Variants in ST6GALNAC5 observed in about 807,000 individuals in gnomAD.
The protein encoded by ST6GALNAC5 is ST6 N-acetylgalactosaminide alpha-2,6-sialyltransferase 5.
ST6GALNAC5 carries 27 observed loss-of-function variants against 33.6 expected under a neutral mutation model. That is an observed-to-expected ratio of 0.80 (90% confidence interval 0.59 to 1.11). ST6GALNAC5 has a LOEUF of 1.11. Ranked by LOEUF, ST6GALNAC5 falls within the 50% of genes least tolerant of loss-of-function variation. ST6GALNAC5 has a pLI of 0.00. For missense variants in ST6GALNAC5, 428 were observed against 454.0 expected, an observed-to-expected ratio of 0.94 and a Z score of 0.52; for synonymous variants, 194 against 171.2, an observed-to-expected ratio of 1.13 and a Z score of -1.04.
intron 3 of ST6GALNAC5, among the ~76,000 whole-genome samples, chr1:77,049,270 G>T (rs1434407264): frequency 6.6e-6 from 1 of 152,116 alleles, no homozygotes; most frequent in East Asian, 1.9e-4. Context: ...CTGCACCTCT[G>T]TTATTCACAT....
chr1:77,010,751 C>T (rs1188896891), intron 2 of ST6GALNAC5, among the ~76,000 whole-genome samples: 1 of 152,210 alleles, frequency 6.6e-6, no homozygotes, highest in African/African-American at 2.4e-5. Context: ...AAACACACTG[C>T]ACCACTCCTC....
chr1:77,044,275 C>T lies in ST6GALNAC5; in HGVS notation c.333C>T (p.Gly111=). Residue 111 remains glycine (G), a synonymous_variant, in exon 3 of 5, where the codon GGC becomes GGT. Transcript: ENST00000477717. ...SSGHLLHSRQ[G]SQIDQTECVI... ...GGCATCTGCTGCACAGTCGGCAAGGCTCCCAGATTGACCAGACAGAGTGTG... is the reference window on the plus strand; with the variant it reads ...GGCATCTGCTGCACAGTCGGCAAGGTTCCCAGATTGACCAGACAGAGTGTG... 1.2e-6 allele frequency: 2 copies of T among 1,613,980 alleles called. No homozygotes were observed. Among genetic ancestry groups the T allele is most frequent in the Non-Finnish European group, 1.7e-6 (2 of 1,180,018 alleles).
At chr1:77,053,203 A>G (rs1652286103) in intron 4 of ST6GALNAC5, among the ~76,000 whole-genome samples, 1 of 152,204 alleles carries the variant, frequency 6.6e-6, no homozygotes, top group Admixed American at 6.5e-5. Context: ...TGAAAGAAGC[A>G]GAGAACTATT....
At chr1:77,060,720 C>A (rs1652548301) in intron 4 of ST6GALNAC5, among the ~76,000 whole-genome samples, 1 of 152,030 alleles carries the variant, frequency 6.6e-6, no homozygotes, top group South Asian at 2.1e-4. Context: ...GATGGTCTTC[C>A]TGAATAAGGA....
chr1:76,941,463 C>T (rs1396905035), intron 2 of ST6GALNAC5, among the ~76,000 whole-genome samples: 1 of 152,048 alleles, frequency 6.6e-6, no homozygotes, highest in Non-Finnish European at 1.5e-5. Context: ...CAGTGGGTGG[C>T]TCCCCCAAAA....
intron 2 of ST6GALNAC5, among the ~76,000 whole-genome samples, chr1:76,904,438 G>T (rs904721385): frequency 9.9e-5 from 15 of 152,072 alleles, no homozygotes; most frequent in African/African-American, 3.6e-4. Flanking sequence ...ATAAATTGTG[G>T]TATATTCAAA....
chr1:76,922,764 A>C (rs1647047014), intron 2 of ST6GALNAC5, among the ~76,000 whole-genome samples: 1 of 151,778 alleles, frequency 6.6e-6, no homozygotes, highest in Non-Finnish European at 1.5e-5. Flanking sequence ...CATGGCAAAA[A>C]GTCTCTACTA....
At chr1:77,034,180 C>T (rs988529687) in intron 2 of ST6GALNAC5, among the ~76,000 whole-genome samples, 5 of 152,054 alleles carry the variant, frequency 3.3e-5, no homozygotes, top group African/African-American at 1.2e-4. Context: ...GCGCTTGTTC[C>T]CCCTGCAAGC....
At chr1:76,908,341 T>G (rs980516096) in intron 2 of ST6GALNAC5, among the ~76,000 whole-genome samples, 4 of 152,096 alleles carry the variant, frequency 2.6e-5, no homozygotes, top group African/African-American at 9.7e-5. Context: ...CCTCACATAG[T>G]GGAAGGGGCA....
At chr1:76,967,310 C>G (rs1039303095) in intron 2 of ST6GALNAC5, among the ~76,000 whole-genome samples, 2 of 152,116 alleles carry the variant, frequency 1.3e-5, no homozygotes, top group African/African-American at 4.8e-5. Flanking sequence ...TCAACTTCTT[C>G]CTGGTTTAGT....
intron 2 of ST6GALNAC5, among the ~76,000 whole-genome samples, chr1:76,887,109 G>A (rs1653914610): frequency 6.6e-6 from 1 of 152,096 alleles, no homozygotes; most frequent in Non-Finnish European, 1.5e-5. Flanking sequence ...TATCCATGGA[G>A]GCCGTGCTAC....
At chr1:76,943,189 A>G (rs1647396467) in intron 2 of ST6GALNAC5, among the ~76,000 whole-genome samples, 1 of 152,130 alleles carries the variant, frequency 6.6e-6, no homozygotes, top group Non-Finnish European at 1.5e-5. Flanking sequence ...AACCAGAGAT[A>G]GGTGCTATTA....
chr1:76,908,872 T>C (rs1464389239), intron 2 of ST6GALNAC5, among the ~76,000 whole-genome samples: 7 of 152,198 alleles, frequency 4.6e-5, no homozygotes, highest in Non-Finnish European at 1.0e-4. Flanking sequence ...ATCTAATCAG[T>C]GAATTTACAA....
At chr1:76,904,293 G>C (rs1037652828) in intron 2 of ST6GALNAC5, among the ~76,000 whole-genome samples, 1 of 152,120 alleles carries the variant, frequency 6.6e-6, no homozygotes. Context: ...CAGTTGAGAA[G>C]AGAAAGGGAA....
intron 4 of ST6GALNAC5, among the ~76,000 whole-genome samples, chr1:77,059,813 C>G (rs1473127474): frequency 6.6e-6 from 1 of 152,052 alleles, no homozygotes; most frequent in Non-Finnish European, 1.5e-5. Flanking sequence ...TGGAATTTTT[C>G]TGTCTTGAAA....
At position 77,066,600 on chromosome 1, in the gene ST6GALNAC5, A is replaced by G. The variant is rs1307777864; in HGVS notation, c.*3394A>G. Among the ~76,000 whole-genome samples, 1 of 152,256 alleles carries G rather than the reference A, an allele frequency of 6.6e-6. No individual in the cohort carries two copies. Among genetic ancestry groups the G allele is most frequent in the South Asian group, 2.1e-4 (1 of 4,826 alleles). ...TAAATATTTGCCCTTGTGTAAGAGC[A>G]AACTCATTTCAGAAATATATCCTGA... On this transcript the variant is annotated 3_prime_UTR_variant, in exon 5 of 5. Coordinates refer to ENST00000477717, the MANE Select transcript of ST6GALNAC5 (RefSeq NM_030965.3).
At chr1:76,872,804 A>G (rs932687903) in intron 2 of ST6GALNAC5, among the ~76,000 whole-genome samples, 2 of 152,212 alleles carry the variant, frequency 1.3e-5, no homozygotes, top group African/African-American at 4.8e-5. Flanking sequence ...GCTAATTTTC[A>G]ATGCTCAGGT....
At chr1:77,045,342 G>A (rs1378127727) in intron 3 of ST6GALNAC5, among the ~76,000 whole-genome samples, 4 of 152,172 alleles carry the variant, frequency 2.6e-5, no homozygotes, top group Non-Finnish European at 1.5e-5. Context: ...GTAAGGTATT[G>A]TTTCATGAAA....
chr1:77,037,400 G>A (rs752784984), intron 2 of ST6GALNAC5, among the ~76,000 whole-genome samples: 1 of 152,120 alleles, frequency 6.6e-6, no homozygotes, highest in Non-Finnish European at 1.5e-5. Context: ...GACTACTAGA[G>A]TGGGGAAGGA....
Sources: gnomAD v4.1 joint callset for allele counts (sites outside exome capture counted in the v4.1 genomes callset) on GRCh38, gnomAD v4.1.1 for gene constraint, MANE v1.5 for transcripts, NCBI Gene and HGNC (gene_info 2026-07-23, HGNC 2026-07-21) for gene names.